EDEM3: variants seen among roughly 807,000 people sequenced by gnomAD.
EDEM3 encodes ER degradation-enhancing alpha-mannosidase-like protein 3.
Under a neutral mutation model 110.2 loss-of-function variants are expected in EDEM3, and 60 were observed. The ratio of observed to expected loss-of-function variants is 0.54; its 90% CI spans 0.44 to 0.67. The LOEUF is 0.67. Among genes scored for constraint, EDEM3 ranks in the 30% least tolerant of loss-of-function variants. The pLI is 0.00. For synonymous variants in EDEM3, 352 were observed against 382.9 expected, an observed-to-expected ratio of 0.92 and a Z score of 0.94; for missense variants, 996 against 1,121.0, an observed-to-expected ratio of 0.89 and a Z score of 1.59.
chr1:184,703,664 C>T (rs1177975896), intron 18 of EDEM3, among the ~76,000 whole-genome samples: 2 of 152,188 alleles, frequency 1.3e-5, no homozygotes, highest in African/African-American at 4.8e-5. Flanking sequence ...ACCTCCAAAT[C>T]GCATGCCAGT....
At chr1:184,754,073 A>T (rs973170350) in intron 1 of EDEM3, among the ~76,000 whole-genome samples, 4 of 152,342 alleles carry the variant, frequency 2.6e-5, no homozygotes, top group African/African-American at 9.6e-5. Flanking sequence ...TCATTTCCTT[A>T]ACTACTGTGA....
intron 6 of EDEM3, among the ~76,000 whole-genome samples, chr1:184,726,853 G>A (rs1353914706): frequency 2.6e-5 from 4 of 152,132 alleles, no homozygotes; most frequent in South Asian, 2.1e-4. Context: ...GAGAAAAAAC[G>A]GATTGTTATG....
chr1:184,719,419 T>C (rs1650748436), intron 10 of EDEM3, 24 bp downstream of exon 10: 1 of 1,603,002 alleles, frequency 6.2e-7, no homozygotes, highest in Non-Finnish European at 8.5e-7. Flanking sequence ...TACATTCATA[T>C]TAAGAAGACA....
chr1:184,700,132 G>A (rs761073498), intron 19 of EDEM3, among the ~76,000 whole-genome samples: 5 of 151,932 alleles, frequency 3.3e-5, no homozygotes, highest in Admixed American at 6.6e-5. Flanking sequence ...TTGATAAAAT[G>A]CTAATGCTTT....
intron 18 of EDEM3, among the ~76,000 whole-genome samples, chr1:184,703,774 G>T (rs1649759516): frequency 6.6e-6 from 1 of 152,112 alleles, no homozygotes; most frequent in Non-Finnish European, 1.5e-5. Context: ...TAATTGATTA[G>T]ACAAAAGATG....
At chr1:184,724,388 A>G (rs532759815) in intron 7 of EDEM3, among the ~76,000 whole-genome samples, 2 of 152,286 alleles carry the variant, frequency 1.3e-5, no homozygotes, top group East Asian at 1.9e-4. Flanking sequence ...TATTAAATCA[A>G]TTAGGCTACC....
intron 1 of EDEM3, 24 bp from the exon 2 acceptor site, chr1:184,749,616 G>GAAAAA (rs35957626): frequency 3.5e-6 from 4 of 1,136,686 alleles, no homozygotes; most frequent in African/African-American, 4.3e-5. Flanking sequence ...AGCAGAAATG[G>GAAAAA]AAAAAAAAAA....
intron 1 of EDEM3, among the ~76,000 whole-genome samples, chr1:184,753,204 T>TC (rs1426719914): frequency 6.6e-6 from 1 of 151,978 alleles, no homozygotes; most frequent in Non-Finnish European, 1.5e-5. Flanking sequence ...AGCTCAGATT[T>TC]TTTTTTTCTT....
At chr1:184,730,317 C>T (rs1651436691) in intron 6 of EDEM3, among the ~76,000 whole-genome samples, 1 of 152,186 alleles carries the variant, frequency 6.6e-6, no homozygotes, top group Admixed American at 6.5e-5. Context: ...CATGATGGCT[C>T]ACATCTGTGA....
chr1:184,723,161 C>T (rs1650994357), intron 8 of EDEM3, among the ~76,000 whole-genome samples: 1 of 151,898 alleles, frequency 6.6e-6, no homozygotes, highest in Non-Finnish European at 1.5e-5. Flanking sequence ...ACTAACATCT[C>T]GTTACTGGGC....
chr1:184,721,152 A>G (rs978489064), intron 9 of EDEM3, 137 bp downstream of exon 9: 4 of 676,254 alleles, frequency 5.9e-6, no homozygotes, highest in Non-Finnish European at 9.9e-6. Context: ...CCTGTTCAAC[A>G]TCATCAGGAA....
At chr1:184,730,922 G>A (rs1158526296) in intron 6 of EDEM3, among the ~76,000 whole-genome samples, 1 of 150,874 alleles carries the variant, frequency 6.6e-6, no homozygotes, top group African/African-American at 2.4e-5. Context: ...AGCTGAAATG[G>A]AACAATGATT....
chr1:184,733,134 T>C, intron 5 of EDEM3, 144 bp from the exon 6 acceptor site: 1 of 734,918 alleles, frequency 1.4e-6, no homozygotes, highest in East Asian at 2.9e-5. Flanking sequence ...TTAACACTGC[T>C]CATTTTATGG....
chr1:184,741,986 G>GTCCATATGA (rs1652168587), intron 2 of EDEM3, among the ~76,000 whole-genome samples: 1 of 152,068 alleles, frequency 6.6e-6, no homozygotes, highest in South Asian at 2.1e-4. Flanking sequence ...TTATGTGAAT[G>GTCCATATGA]TCCATATGAT....
chr1:184,720,254 T>G (rs1295736953), intron 9 of EDEM3, among the ~76,000 whole-genome samples: 1 of 150,982 alleles, frequency 6.6e-6, no homozygotes, highest in African/African-American at 2.5e-5. Flanking sequence ...ATTAATGACT[T>G]ATTAACTTTT....
At chr1:184,743,459 C>T (rs760395799) in intron 2 of EDEM3, among the ~76,000 whole-genome samples, 19 of 151,770 alleles carry the variant, frequency 1.3e-4, no homozygotes, top group Admixed American at 3.9e-4. Flanking sequence ...AGAACATGTG[C>T]CTAGCTGAAA....
rs759480448 is a variant in EDEM3, at chr1:184,710,450, C to A, written c.1789G>T (p.Val597Leu). 3.1e-6 allele frequency: 5 copies of A among 1,613,852 alleles called. No homozygotes were observed. The African/African-American group carries it at 5.3e-5, about 17-fold the overall frequency. ...EHLEILKKMG[V>L]SLIHLKDGRV... The stretch of plus-strand genomic sequence containing the variant: ...CCATCTTTGAGGTGAATCAAACTCA[C>A]CCCCATCTTCTTCAGGATTTCTAAA... The change falls in exon 16 of 20, where the codon GTG (valine) becomes TTG (leucine). Residue 597 changes from valine (V) to leucine (L), a missense_variant. Coordinates refer to ENST00000318130, the MANE Select transcript of EDEM3 (RefSeq NM_025191.4).
intron 18 of EDEM3, among the ~76,000 whole-genome samples, chr1:184,704,737 C>T (rs1649821788): frequency 7.0e-6 from 1 of 142,848 alleles, no homozygotes; most frequent in African/African-American, 2.6e-5. Context: ...CCCAGTATAC[C>T]ATTTTCCAAC....
chr1:184,715,773 G>A (rs1187505283), intron 13 of EDEM3, among the ~76,000 whole-genome samples: 1 of 152,176 alleles, frequency 6.6e-6, no homozygotes, highest in Non-Finnish European at 1.5e-5. Flanking sequence ...GTCAATAAAT[G>A]TTACAGGCAA....
Sources: gnomAD v4.1 joint callset for allele counts (sites outside exome capture counted in the v4.1 genomes callset) on GRCh38, gnomAD v4.1.1 for gene constraint, MANE v1.5 for transcripts, NCBI Gene and HGNC (gene_info 2026-07-23, HGNC 2026-07-21) for gene names.